RNF138: variants seen among roughly 807,000 people sequenced by gnomAD.
RNF138 encodes E3 ubiquitin-protein ligase RNF138.
A neutral mutation model predicts 31.0 loss-of-function variants in RNF138; 12 were observed. The ratio of observed to expected loss-of-function variants is 0.39; its 90% CI spans 0.25 to 0.63. RNF138 has a LOEUF of 0.63. RNF138 is among the 20% of genes least tolerant of loss of function. RNF138 has a pLI of 0.52. For missense variants in RNF138, 192 were observed against 300.1 expected (o/e 0.64, Z 2.66); for synonymous variants, 105 against 99.5 (o/e 1.06, Z -0.33).
chr18:32,109,210 G>A (rs2040086358), intron 2 of RNF138, among the ~76,000 whole-genome samples: 1 of 149,056 alleles, frequency 6.7e-6, no homozygotes, highest in East Asian at 2.0e-4. Context: ...CTGAAGTGCA[G>A]TGGCACGATC....
intron 4 of RNF138, among the ~76,000 whole-genome samples, chr18:32,117,021 C>T (rs1208699392): frequency 6.6e-6 from 1 of 152,136 alleles, no homozygotes; most frequent in Non-Finnish European, 1.5e-5. Context: ...CCTGCCTAAG[C>T]CTCCTGAGTA....
chr18:32,104,726 TAAAG>T (rs1459285598), intron 2 of RNF138, among the ~76,000 whole-genome samples: 6 of 152,178 alleles, frequency 3.9e-5, no homozygotes, highest in East Asian at 1.9e-4. Flanking sequence ...CACAGCTTCT[TAAAG>T]AAAATTACAA....
chr18:32,110,316 A>T (rs1293944604), intron 2 of RNF138, among the ~76,000 whole-genome samples: 1 of 152,184 alleles, frequency 6.6e-6, no homozygotes, highest in Non-Finnish European at 1.5e-5. Context: ...TATGGTGTTA[A>T]TTGGTAATGA....
chr18:32,110,303 G>A (rs1055513381), intron 2 of RNF138, among the ~76,000 whole-genome samples: 7 of 152,164 alleles, frequency 4.6e-5, no homozygotes, highest in Non-Finnish European at 2.9e-5. Flanking sequence ...TAATGTTTTA[G>A]TTTATGGTGT....
At chr18:32,100,483 T>TTC (rs2039913971) in intron 2 of RNF138, among the ~76,000 whole-genome samples, 1 of 142,958 alleles carries the variant, frequency 7.0e-6, no homozygotes, top group African/African-American at 2.5e-5. Flanking sequence ...TTTTTTTTTT[T>TTC]TTTTTTTTTG....
At chr18:32,116,233 G>T (rs2040214437) in intron 4 of RNF138, among the ~76,000 whole-genome samples, 1 of 152,096 alleles carries the variant, frequency 6.6e-6, no homozygotes, top group South Asian at 2.1e-4. Context: ...TTTGCCAGCT[G>T]ATTGACTTTT....
chr18:32,114,479 C>T (rs941815872), intron 4 of RNF138, among the ~76,000 whole-genome samples: 2 of 152,138 alleles, frequency 1.3e-5, no homozygotes, highest in Non-Finnish European at 2.9e-5. Flanking sequence ...TACCTATTAA[C>T]CCAGGTCAAG....
At chr18:32,110,403 ATTTTATACTTG>A (rs934924049) in intron 2 of RNF138, among the ~76,000 whole-genome samples, 7 of 152,236 alleles carry the variant, frequency 4.6e-5, no homozygotes, top group African/African-American at 1.7e-4. Flanking sequence ...TGTGTTAAGC[ATTTTATACTTG>A]TTATCTATTT....
intron 6 of RNF138, among the ~76,000 whole-genome samples, chr18:32,126,028 T>G (rs12608245): frequency 0.036 from 5,541 of 152,354 alleles, 213 homozygotes; most frequent in East Asian, 0.24. Context: ...TGGCTAGAGT[T>G]TAATTACTGA....
At chr18:32,093,302 C>G (rs1395645122) in intron 2 of RNF138, among the ~76,000 whole-genome samples, 4 of 151,962 alleles carry the variant, frequency 2.6e-5, no homozygotes. Context: ...GCTGGGGTGT[C>G]GAGTGTCAAA....
chr18:32,123,630 T>C lies in RNF138; in HGVS notation c.449+56T>C, dbSNP rs2040340419. 4 of 1,066,598 alleles carry C rather than the reference T, an allele frequency of 3.8e-6. No individual in the cohort carries two copies. In the South Asian group the frequency reaches 4.5e-5, roughly 12 times the overall value. The allele number at this position is 1,066,598 out of a possible 1,614,324, so 66.1% of individuals were successfully genotyped here. A position where few individuals can be genotyped will look rare whatever the true frequency, so the allele number is the denominator to read the frequency against. On this transcript the variant is annotated intron_variant, in intron 5 of 7. Coordinates refer to ENST00000261593, the MANE Select transcript of RNF138 (RefSeq NM_016271.5). ...CAAGTAATATTATATTTATCACTTA[T>C]CAAATAGCTTTTTAAATTAAACTTT... is the stretch of plus-strand genomic sequence containing the variant.
rs368990406 is a variant in RNF138, at chr18:32,124,857, C to G, written c.561+12C>G. On this transcript the variant is annotated intron_variant, in intron 6 of 7. Transcript: ENST00000261593. ...AGATAGTTCCTGTGGTAAGTACATA[C>G]GTTTGAGACAGTCTTCTGCTTAGAA... 3.3e-6 allele frequency: 4 copies of G among 1,224,186 alleles called. No individual in the cohort carries two copies. The highest frequency in any genetic ancestry group is 4.8e-6 in the Non-Finnish European group (4 of 824,862). 75.8% of individuals were successfully genotyped at this position (1,224,186 alleles called of 1,614,324 possible).
At chr18:32,124,566 C>T (rs1012579502) in intron 5 of RNF138, 168 bp from the exon 6 acceptor site, 14 of 564,698 alleles carry the variant, frequency 2.5e-5, no homozygotes, top group African/African-American at 1.9e-4. Flanking sequence ...TTGGGAACCT[C>T]TGTAATGCAT....
intron 2 of RNF138, among the ~76,000 whole-genome samples, chr18:32,105,693 T>G (rs894503599): frequency 6.6e-6 from 1 of 152,176 alleles, no homozygotes; most frequent in African/African-American, 2.4e-5. Flanking sequence ...TTCTTAAGAC[T>G]GCAAAAGCAT....
intron 2 of RNF138, among the ~76,000 whole-genome samples, chr18:32,101,038 T>G (rs142375519): frequency 2.0e-5 from 3 of 152,240 alleles, no homozygotes; most frequent in African/African-American, 7.2e-5. Flanking sequence ...GAAGTGATAT[T>G]GTTGCTGATA....
Position 32,124,788 on chromosome 18 carries a change from C to G in RNF138, c.504C>G (p.Thr168=), listed in dbSNP as rs773256101. The part of the protein sequence containing the change: ...KCPLCQESNF[T]RQRLLDHCNS... Reference sequence around the variant, plus strand: ...CCCTGTGTCAAGAATCAAATTTTACCAGACAGCGTTTACTGGATCACTGTA... The same window carrying G: ...CCCTGTGTCAAGAATCAAATTTTACGAGACAGCGTTTACTGGATCACTGTA... Residue 168 remains threonine (T), a synonymous_variant, in exon 6 of 8, where the codon ACC becomes ACG. Transcript: ENST00000261593. 1.9e-6 allele frequency: 3 copies of G among 1,606,720 alleles called. No individual in the cohort carries two copies. The Admixed American group carries it at 5.0e-5, about 27-fold the overall frequency.
chr18:32,104,036 CAG>C (rs1360743187), intron 2 of RNF138, among the ~76,000 whole-genome samples: 2 of 131,428 alleles, frequency 1.5e-5, no homozygotes, highest in African/African-American at 5.9e-5. Context: ...TTTTTGGAGG[CAG>C]AGTCTAGTTC....
At chr18:32,118,456 C>T (rs1004306703) in intron 4 of RNF138, among the ~76,000 whole-genome samples, 7 of 151,574 alleles carry the variant, frequency 4.6e-5, no homozygotes, top group African/African-American at 1.7e-4. Flanking sequence ...ATTTCTTGAA[C>T]CCAGGAGGCA....
chr18:32,093,062 C>A (rs1251681670), intron 2 of RNF138, among the ~76,000 whole-genome samples, 176 bp downstream of exon 2: 1 of 151,858 alleles, frequency 6.6e-6, no homozygotes, highest in Non-Finnish European at 1.5e-5. Flanking sequence ...GCCTTTTCCT[C>A]AGCCTCGGGG....
Sources: gnomAD v4.1 joint callset for allele counts (sites outside exome capture counted in the v4.1 genomes callset) on GRCh38, gnomAD v4.1.1 for gene constraint, MANE v1.5 for transcripts, NCBI Gene and HGNC (gene_info 2026-07-23, HGNC 2026-07-21) for gene names.